LRRC9: variants seen among roughly 807,000 people sequenced by gnomAD.
LRRC9 encodes the protein leucine rich repeat containing 9.
Under a neutral mutation model 63.2 loss-of-function variants are expected in LRRC9, and 122 were observed. That is an observed-to-expected ratio of 1.93 (90% CI 1.67 to 2.24). The LOEUF is 2.24. LRRC9 is among the 30% of genes most tolerant of loss of function. LRRC9 has a pLI of 0.00. For missense variants in LRRC9, 1,071 were observed against 627.7 expected, an observed-to-expected ratio of 1.71 and a Z score of -7.55; for synonymous variants, 366 against 213.1, an observed-to-expected ratio of 1.72 and a Z score of -6.25.
chr14:60,063,803 G>A (rs1215064950), downstream of LRRC9, among the ~76,000 whole-genome samples: 3 of 152,184 alleles, frequency 2.0e-5, no homozygotes, highest in African/African-American at 7.2e-5. Flanking sequence ...CTATTCATTT[G>A]AGATTACACA....
rs532965873 is a variant in LRRC9, at chr14:59,951,430, G to A, written c.882+6686G>A. Among the ~76,000 whole-genome samples, 29 of 111,870 alleles carry A rather than the reference G, an allele frequency of 2.6e-4. 1 individual carries two copies. The highest frequency in any genetic ancestry group is 5.9e-4 in the Admixed American group (6 of 10,182). 73.4% of individuals were successfully genotyped at this position (111,870 alleles called of 152,430 possible). On this transcript the variant is annotated intron_variant, in intron 8 of 31. Coordinates refer to ENST00000445360, the Ensembl canonical transcript of LRRC9. ...TTTTTTCAAAGTTTTCAACTTCTTT[G>A]ACTTTGGTTTGAATGTCCTCCCGTA...
intron 17 of LRRC9, among the ~76,000 whole-genome samples, chr14:59,988,388 C>G (rs941122013): frequency 6.6e-6 from 1 of 152,042 alleles, no homozygotes; most frequent in Non-Finnish European, 1.5e-5. Flanking sequence ...TATAAATAAC[C>G]TTATGAATTT....
intron 24 of LRRC9, among the ~76,000 whole-genome samples, chr14:60,018,058 G>A (rs912960360): frequency 1.3e-5 from 2 of 151,996 alleles, no homozygotes; most frequent in African/African-American, 2.4e-5. Context: ...AAACATATAT[G>A]TGAATTTATA....
chr14:60,027,199 A>C lies in LRRC9; in HGVS notation c.3704-685A>C, dbSNP rs1255744803. ...CTCTGACCCTCAATTTTCTGATTAG[A>C]AAAAAGAGATAAAATATTTCCCCTG... On this transcript the variant is annotated intron_variant, in intron 27 of 31. Coordinates refer to ENST00000445360, the Ensembl canonical transcript of LRRC9. The surrounding 1 kb of genome is among the most constrained non-coding windows in gnomAD (Gnocchi z 4.0). 1.3e-5 allele frequency among the ~76,000 whole-genome samples: 2 copies of C among 152,046 alleles called. No homozygotes were observed. Among genetic ancestry groups the C allele is most frequent in the African/African-American group, 4.8e-5 (2 of 41,438 alleles).
Position 60,063,511 on chromosome 14 carries a change from T to A in LRRC9, c.*103T>A, listed in dbSNP as rs1194907405. 7.2e-6 allele frequency: 4 copies of A among 553,916 alleles called. No individual in the cohort carries two copies. The African/African-American group carries it at 7.7e-5, about 11-fold the overall frequency. The allele number at this position is 553,916 out of a possible 1,614,324, so 34.3% of individuals were successfully genotyped here. On this transcript the variant is annotated 3_prime_UTR_variant, in exon 32 of 32. Transcript: ENST00000445360. ...GCACTTCAGTTCCATATGAAGATAA[T>A]CTATTACCCTTCATGAACTTGATTT...
At chr14:59,970,955 T>C (rs921916335) in intron 12 of LRRC9, among the ~76,000 whole-genome samples, 1 of 152,202 alleles carries the variant, frequency 6.6e-6, no homozygotes, top group Non-Finnish European at 1.5e-5. Flanking sequence ...TTTTTGCTTT[T>C]GTTGCAATTG....
rs910835547 is a variant in LRRC9, at chr14:60,040,981, T to C, written c.3990+8918T>C. ...TGGTGACAAAATCTCTCAGCATTTG[T>C]TTGTCTGAAAGGATTTTATTTCTCC... On this transcript the variant is annotated intron_variant, in intron 29 of 31. Transcript: ENST00000445360. Among the ~76,000 whole-genome samples the C allele has an allele frequency of 4.0e-5, 6 of 151,874 alleles. No individual in the cohort carries two copies. The East Asian group carries it at 7.7e-4, about 20-fold the overall frequency.
chr14:59,971,752 A>G (rs1219579503), intron 12 of LRRC9, among the ~76,000 whole-genome samples: 1 of 151,882 alleles, frequency 6.6e-6, no homozygotes, highest in Non-Finnish European at 1.5e-5. Flanking sequence ...CCCCACATCT[A>G]ATCATTTTCC....
chr14:60,028,126 G>T, intron 28 of LRRC9, 25 bp downstream of exon 28: 1 of 675,562 alleles, frequency 1.5e-6, no homozygotes, highest in Non-Finnish European at 2.7e-6. Flanking sequence ...TTTTTATTAT[G>T]GGATTTACAA....
intron 23 of LRRC9, among the ~76,000 whole-genome samples, chr14:60,014,195 G>C (rs2140259754): frequency 6.6e-6 from 1 of 151,806 alleles, no homozygotes; most frequent in South Asian, 2.1e-4. Flanking sequence ...TTTCCTTCCA[G>C]TCTATTTCTT....
Position 59,922,784 on chromosome 14 carries a change from T to A in LRRC9, c.-34+2901T>A, listed in dbSNP as rs1331035041. Among the ~76,000 whole-genome samples, 1 of 152,228 alleles carries A rather than the reference T, an allele frequency of 6.6e-6. No individual in the cohort carries two copies. The highest frequency in any genetic ancestry group is 1.5e-5 in the Non-Finnish European group (1 of 68,038). On this transcript the variant is annotated intron_variant, in intron 1 of 31. Transcript: ENST00000445360. This position sits in a 1 kb window ranked among gnomAD's most constrained non-coding sequence, Gnocchi z 5.3. ...GTGGTGAAAGTTTAGAATAGTAATG[T>A]CATGAATCTCGAGTCTCTAGTCCCA...
chr14:59,978,967 CA>C (rs1249117022), intron 15 of LRRC9, among the ~76,000 whole-genome samples: 2 of 151,886 alleles, frequency 1.3e-5, no homozygotes, highest in African/African-American at 4.8e-5. Flanking sequence ...CTATGGTGGG[CA>C]AAAAACATTA....
chr14:59,946,504 CT>C (rs562279605), intron 8 of LRRC9, among the ~76,000 whole-genome samples: 4,867 of 137,326 alleles, frequency 0.035, 95 homozygotes, highest in South Asian at 0.061. Context: ...TTTTTTTTGT[CT>C]TTTTTTTTTT....
chr14:60,014,772 A>G (rs947787234), intron 23 of LRRC9, among the ~76,000 whole-genome samples: 4 of 151,754 alleles, frequency 2.6e-5, no homozygotes, highest in Non-Finnish European at 4.4e-5. Context: ...AGGTTTGCTT[A>G]GCTTCTTACT....
Position 60,006,496 on chromosome 14 carries a change from C to A in LRRC9, c.2942C>A (p.Ser981Ter), listed in dbSNP as rs940205395. Residue 981 changes from serine to a stop codon, truncating the protein, a stop_gained, in exon 22 of 32, where the codon TCG becomes TAG. Transcript: ENST00000445360. LOFTEE classifies it high-confidence loss of function. ...TTTGATAACATGCTTCATCTTCACT[C>A]GCTTTCTCTTGAGAACAACAGAATC... 1 of 702,022 alleles carries A rather than the reference C, an allele frequency of 1.4e-6. No homozygotes were observed. Among genetic ancestry groups the A allele is most frequent in the South Asian group, 1.5e-5 (1 of 67,516 alleles). The allele number at this position is 702,022 out of a possible 1,614,324, so 43.5% of individuals were successfully genotyped here. A position where few individuals can be genotyped will look rare whatever the true frequency, so the allele number is the denominator to read the frequency against.
At chr14:59,934,028 G>A (rs1057211893) in intron 6 of LRRC9, among the ~76,000 whole-genome samples, 2 of 152,048 alleles carry the variant, frequency 1.3e-5, no homozygotes, top group African/African-American at 4.8e-5. Context: ...TAGTGATCTG[G>A]AGTTAGTGTT....
intron 4 of LRRC9, 145 bp from the exon 5 acceptor site, chr14:59,931,474 G>A: frequency 2.1e-6 from 1 of 486,794 alleles, no homozygotes; most frequent in Non-Finnish European, 3.6e-6. Context: ...TGGCTTCTTG[G>A]AGGCACTCAT....
Position 59,964,714 on chromosome 14 carries a change from G to A in LRRC9, c.1212-1875G>A, listed in dbSNP as rs1003308401. Among the ~76,000 whole-genome samples, 2 of 152,138 alleles carry A rather than the reference G, an allele frequency of 1.3e-5. No homozygotes were observed. Among genetic ancestry groups the A allele is most frequent in the African/African-American group, 4.8e-5 (2 of 41,428 alleles). ...CCCAGCAAATGATCCCTCTATAGGAGGGGCAGTAGCTTCCCCACCTCAGAT... is the reference window on the plus strand; with the variant it reads ...CCCAGCAAATGATCCCTCTATAGGAAGGGCAGTAGCTTCCCCACCTCAGAT... On this transcript the variant is annotated intron_variant, in intron 10 of 31. Coordinates refer to ENST00000445360, the Ensembl canonical transcript of LRRC9. This position sits in a 1 kb window ranked among gnomAD's most constrained non-coding sequence, Gnocchi z 4.4.
Position 59,958,116 on chromosome 14 carries a change from C to G in LRRC9, c.883-1702C>G, listed in dbSNP as rs1883968756. Reference sequence around the variant, plus strand: ...AGGAGGCACGGGGGTCAGGAACCCACTTGAGCAGGCAGTCTGTCCCTTAGC... The same window carrying G: ...AGGAGGCACGGGGGTCAGGAACCCAGTTGAGCAGGCAGTCTGTCCCTTAGC... On this transcript the variant is annotated intron_variant, in intron 8 of 31. Coordinates refer to ENST00000445360, the Ensembl canonical transcript of LRRC9. The surrounding 1 kb of genome is among the most constrained non-coding windows in gnomAD (Gnocchi z 4.0). Among the ~76,000 whole-genome samples, 2 of 152,242 alleles carry G rather than the reference C, an allele frequency of 1.3e-5. No individual in the cohort carries two copies. The highest frequency in any genetic ancestry group is 2.9e-5 in the Non-Finnish European group (2 of 68,044).
Sources: allele counts gnomAD v4.1 joint callset (sites outside exome capture counted in the v4.1 genomes callset), GRCh38; gene constraint gnomAD v4.1.1; non-coding constraint Gnocchi (gnomAD v3.1); transcripts MANE v1.5; gene names NCBI Gene and HGNC (gene_info 2026-07-23, HGNC 2026-07-21).